Variants in WARS2 observed in about 807,000 individuals in gnomAD.
The protein encoded by WARS2 is tryptophanyl tRNA synthetase 2, mitochondrial.
A neutral mutation model predicts 36.5 loss-of-function variants in WARS2; 28 were observed. The ratio of observed to expected loss-of-function variants is 0.77; its 90% CI spans 0.57 to 1.05. The LOEUF (loss-of-function observed/expected upper bound fraction) is 1.05, where lower values mean the gene tolerates loss of function less well. WARS2 is among the 50% of genes least tolerant of loss of function. The pLI, the probability that WARS2 is intolerant of heterozygous loss-of-function variation, is 0.00. For missense variants in WARS2, 435 were observed against 456.8 expected (o/e 0.95, Z 0.44); for synonymous variants, 174 against 178.4 (o/e 0.98, Z 0.20).
intron 2 of WARS2, 122 bp downstream of exon 2, chr1:119,076,228 G>A: frequency 8.0e-7 from 1 of 1,253,680 alleles, no homozygotes; most frequent in South Asian, 1.5e-5. Context: ...AATCACATTT[G>A]AAAAAGTCAC....
chr1:119,134,811 C>T (rs1195748119), intron 1 of WARS2, among the ~76,000 whole-genome samples: 2 of 152,112 alleles, frequency 1.3e-5, no homozygotes, highest in Non-Finnish European at 2.9e-5. Context: ...AAGATTTAGG[C>T]CTCATATTGT....
At chr1:119,128,000 C>T (rs775914540) in intron 1 of WARS2, among the ~76,000 whole-genome samples, 1 of 152,174 alleles carries the variant, frequency 6.6e-6, no homozygotes, top group South Asian at 2.1e-4. Context: ...ACCTTCTGCA[C>T]TAATAACTCT....
Position 119,140,594 on chromosome 1 carries a change from C to T in WARS2, c.51G>A (p.Arg17=), listed in dbSNP as rs141898658. ...CAGCTGCGGATCCCTTATGAAGTGC[C>T]CGGATGAAGCTCCAGCGCTCACGCG... is the stretch of plus-strand genomic sequence containing the variant. ...RKARERWSFI[R]ALHKGSAAAP... is the part of the protein sequence containing the mutation. Residue 17 remains arginine, a synonymous_variant, in exon 1 of 6, where the codon CGG becomes CGA. Transcript: ENST00000235521. 1.6e-4 allele frequency: 266 copies of T among 1,613,780 alleles called. No homozygotes were observed. Among genetic ancestry groups the T allele is most frequent in the Middle Eastern group, 4.9e-4 (3 of 6,082 alleles).
intron 2 of WARS2, among the ~76,000 whole-genome samples, chr1:119,060,208 A>G (rs1036529352): frequency 1.3e-5 from 2 of 152,196 alleles, no homozygotes; most frequent in African/African-American, 2.4e-5. Context: ...ATAACAAAGT[A>G]CCATAGACTG....
chr1:119,051,032 T>G (rs941025027), intron 2 of WARS2, among the ~76,000 whole-genome samples: 10 of 152,204 alleles, frequency 6.6e-5, no homozygotes, highest in African/African-American at 2.2e-4. Flanking sequence ...TTTTGCTTTT[T>G]TTTTAAATTT....
intron 2 of WARS2, among the ~76,000 whole-genome samples, chr1:119,051,467 C>T (rs964667061): frequency 2.6e-5 from 4 of 152,262 alleles, no homozygotes; most frequent in African/African-American, 9.6e-5. Flanking sequence ...TTGATTCCGT[C>T]TTTGCTACTG....
intron 2 of WARS2, among the ~76,000 whole-genome samples, chr1:119,046,605 C>G (rs1648865605): frequency 6.6e-6 from 1 of 151,810 alleles, no homozygotes; most frequent in African/African-American, 2.4e-5. Flanking sequence ...ATCCACCCAC[C>G]CCAGCGTCCC....
At chr1:119,107,694 A>C (rs1414676769) in intron 1 of WARS2, among the ~76,000 whole-genome samples, 3 of 151,126 alleles carry the variant, frequency 2.0e-5, no homozygotes, top group African/African-American at 7.3e-5. Context: ...AGAGAGAGAG[A>C]GAGATTAGTT....
chr1:119,083,327 C>A (rs1652358886), intron 1 of WARS2, among the ~76,000 whole-genome samples: 1 of 152,310 alleles, frequency 6.6e-6, no homozygotes, highest in South Asian at 2.1e-4. Context: ...TTCCTCCTTG[C>A]TGGAGGATGC....
At chr1:119,057,658 C>G (rs1268695386) in intron 2 of WARS2, among the ~76,000 whole-genome samples, 3 of 151,756 alleles carry the variant, frequency 2.0e-5, no homozygotes. Context: ...GGCATGGTTG[C>G]AGGTGCCTGT....
chr1:119,104,875 T>C (rs1472452439), intron 1 of WARS2, among the ~76,000 whole-genome samples: 2 of 150,782 alleles, frequency 1.3e-5, no homozygotes, highest in Non-Finnish European at 3.0e-5. Flanking sequence ...GGAAAAGCAG[T>C]GAGGGAGCAG....
rs1310732587 is a variant in WARS2, at chr1:119,089,926, GAGA to G, written c.91-13322_91-13320del. ...CACTTATAAGTGGGAGCTGAATGATGAGAACACATGGACACATGGTGGGGAACA... is the reference window on the plus strand; with the variant it reads ...CACTTATAAGTGGGAGCTGAATGATGACACATGGACACATGGTGGGGAACA... On this transcript the variant is annotated intron_variant, in intron 1 of 5. Transcript: ENST00000235521. Among the ~76,000 whole-genome samples the G allele has an allele frequency of 4.6e-5, 7 of 152,124 alleles. No individual in the cohort carries two copies. The East Asian group carries it at 1.4e-3, about 29-fold the overall frequency.
chr1:119,127,369 G>T, intron 1 of WARS2: 81 of 380,578 alleles, frequency 2.1e-4, no homozygotes, highest in Middle Eastern at 8.9e-4. Flanking sequence ...TTAAGGCACA[G>T]AAAAATCAAG....
At chr1:119,075,560 C>T (rs1488507677) in intron 2 of WARS2, among the ~76,000 whole-genome samples, 1 of 152,128 alleles carries the variant, frequency 6.6e-6, no homozygotes, top group Non-Finnish European at 1.5e-5. Flanking sequence ...AATGTACAAT[C>T]AAGGAAGGTT....
In WARS2 at chr1:119,032,936, ACCT is replaced by A. The variant is rs777998766; in HGVS notation, c.1055_1057del (p.Glu352del). 1 of 1,611,576 alleles carries A rather than the reference ACCT, an allele frequency of 6.2e-7. No individual in the cohort carries two copies. The highest frequency in any genetic ancestry group is 8.5e-7 in the Non-Finnish European group (1 of 1,178,162). On this transcript the variant is annotated inframe_deletion, in exon 6 of 6. Coordinates refer to ENST00000235521, the MANE Select transcript of WARS2 (RefSeq NM_015836.4). ...CTATAGAAAACCCACCAATTTCTTC[ACCT>A]CCTGGCACACAGTGTATGCTAATTC...
At chr1:119,064,074 AAAGCC>A in intron 2 of WARS2, 1 of 152,134 alleles carries the variant, frequency 6.6e-6, no homozygotes, top group East Asian at 1.9e-4. Flanking sequence ...TGTACCCTGC[AAAGCC>A]ACAGGAGTGG....
chr1:119,082,750 C>T (rs1006404593), intron 1 of WARS2, among the ~76,000 whole-genome samples: 2 of 152,140 alleles, frequency 1.3e-5, no homozygotes, highest in African/African-American at 4.8e-5. Context: ...AGCCACAATT[C>T]AGAACTCCAG....
intron 4 of WARS2, among the ~76,000 whole-genome samples, chr1:119,035,889 G>A (rs1450664487): frequency 6.6e-6 from 1 of 152,286 alleles, no homozygotes; most frequent in South Asian, 2.1e-4. Context: ...GACCCAGAGT[G>A]GTTTCTCTTC....
chr1:119,057,144 GTTA>G (rs1032094536), intron 2 of WARS2, among the ~76,000 whole-genome samples: 17 of 151,970 alleles, frequency 1.1e-4, no homozygotes, highest in Non-Finnish European at 2.1e-4. Context: ...TTAGCCATTT[GTTA>G]TTATTATTAT....
Sources: allele counts gnomAD v4.1 joint callset (sites outside exome capture counted in the v4.1 genomes callset), GRCh38; gene constraint gnomAD v4.1.1; transcripts MANE v1.5; gene names NCBI Gene and HGNC (gene_info 2026-07-23, HGNC 2026-07-21).